The following MPP1 variants were observed in gnomAD, a reference collection of about 807,000 sequenced individuals.
The protein encoded by MPP1 is MAGUK p55 scaffold protein 1, also known as 55 kDa erythrocyte membrane protein.
MPP1 carries 6 observed loss-of-function variants against 38.2 expected under a neutral mutation model. That is an observed-to-expected ratio of 0.16 (90% CI 0.09 to 0.31). The LOEUF is 0.31. Among genes scored for constraint, MPP1 ranks in the 10% least tolerant of loss-of-function variants. The pLI is 1.00. For synonymous variants in MPP1, 153 were observed against 146.3 expected (o/e 1.05, Z -0.33); for missense variants, 293 against 368.9 (o/e 0.79, Z 1.69).
At chrX:154,801,613 G>A (rs1393946808) in intron 1 of MPP1, among the ~76,000 whole-genome samples, 1 of 108,674 alleles carries the variant, frequency 9.2e-6, no homozygotes, top group Non-Finnish European at 1.9e-5. Context: ...ACAAAAATTA[G>A]CCAGGCGTGT....
intron 6 of MPP1, 80 bp downstream of exon 6, chrX:154,786,124 C>G: frequency 1.0e-6 from 1 of 959,714 alleles, no homozygotes; most frequent in South Asian, 2.3e-5. Context: ...ACAGAAACTA[C>G]AAACAAAATG....
chrX:154,779,096 G>A lies in MPP1; in HGVS notation c.*81C>T. On this transcript the variant is annotated 3_prime_UTR_variant, in exon 12 of 12. Coordinates refer to ENST00000369534, the MANE Select transcript of MPP1 (RefSeq NM_002436.4). ...AGCTGACACAAAACTAGTTGGAGCA[G>A]CCCTGTTTGTCTTAAAGCAAGGCGG... The A allele has an allele frequency of 2.3e-5, 22 of 973,328 alleles. No individual in the cohort carries two copies. The highest frequency in any genetic ancestry group is 3.1e-5 in the Non-Finnish European group (22 of 704,728). 80.2% of individuals were successfully genotyped at this position (973,328 alleles called of 1,213,427 possible). A position where few individuals can be genotyped will look rare whatever the true frequency, so the allele number is the denominator to read the frequency against.
At chrX:154,799,589 A>G (rs1557268442) in intron 1 of MPP1, among the ~76,000 whole-genome samples, 1 of 112,722 alleles carries the variant, frequency 8.9e-6, no homozygotes. Flanking sequence ...CAACCTCCAC[A>G]TCATCCTCTC....
intron 5 of MPP1, among the ~76,000 whole-genome samples, chrX:154,787,517 C>T (rs1247163768): frequency 8.9e-6 from 1 of 112,057 alleles, no homozygotes; most frequent in East Asian, 2.8e-4. Flanking sequence ...ACATTCAAAA[C>T]CCATTCAAGA....
At position 154,784,061 on chromosome X, in the gene MPP1, G is replaced by A. The variant is rs1737267856; in HGVS notation, c.832C>T (p.Pro278Ser). Residue 278 changes from proline (P) to serine (S), a missense_variant, in exon 8 of 12, where the codon CCT (proline) becomes TCT (serine). Transcript: ENST00000369534. ...ACCAGGGTCTTCCTCTTGAATGCAG[G>A]GAGCCGAACGACTTCCTCGTAGGAA... ...VVSYEEVVRL[P>S]AFKRKTLVLI... is the part of the protein sequence containing the mutation. 1 of 1,210,182 alleles carries A rather than the reference G, an allele frequency of 8.3e-7. No individual in the cohort carries two copies. Among genetic ancestry groups the A allele is most frequent in the Non-Finnish European group, 1.1e-6 (1 of 894,764 alleles).
chrX:154,786,070 C>T, intron 6 of MPP1, 134 bp downstream of exon 6: 1 of 627,991 alleles, frequency 1.6e-6, no homozygotes, highest in Non-Finnish European at 2.4e-6. Context: ...AACCCTCCCC[C>T]ACCCATTATG....
intron 1 of MPP1, chrX:154,799,643 G>C: frequency 2.2e-6 from 2 of 927,506 alleles, no homozygotes; most frequent in Non-Finnish European, 2.9e-6. Context: ...AGGCCACAGA[G>C]CTATGGCAGG....
intron 6 of MPP1, among the ~76,000 whole-genome samples, chrX:154,785,787 T>C (rs1422541674): frequency 8.9e-6 from 1 of 112,105 alleles, no homozygotes; most frequent in Non-Finnish European, 1.9e-5. Flanking sequence ...AGGAATTATT[T>C]CTTCCATGTA....
At position 154,805,459 on chromosome X, in the gene MPP1, G is replaced by A; in HGVS notation, c.-86C>T. On this transcript the variant is annotated 5_prime_UTR_variant, in exon 1 of 12. Transcript: ENST00000369534. The stretch of plus-strand genomic sequence containing the variant: ...GGGCCTGCGGGGCTGCGGAGAAGGC[G>A]GGAGACGCGGTGCGGCTGGGCCAGT... 1 of 944,580 alleles carries A rather than the reference G, an allele frequency of 1.1e-6. No individual in the cohort carries two copies. The highest frequency in any genetic ancestry group is 1.5e-6 in the Non-Finnish European group (1 of 683,307). 77.8% of individuals were successfully genotyped at this position (944,580 alleles called of 1,213,427 possible). A position where few individuals can be genotyped will look rare whatever the true frequency, so the allele number is the denominator to read the frequency against.
chrX:154,787,940 A>G (rs1404530025), intron 5 of MPP1, among the ~76,000 whole-genome samples: 1 of 112,620 alleles, frequency 8.9e-6, no homozygotes, highest in Admixed American at 9.4e-5. Flanking sequence ...ACCTGTAAAT[A>G]TTACCATGAC....
intron 10 of MPP1, 88 bp downstream of exon 10, chrX:154,781,512 A>G: frequency 9.9e-7 from 1 of 1,012,444 alleles, no homozygotes; most frequent in Admixed American, 2.3e-5. Flanking sequence ...AGCAATCCTG[A>G]GCCCCCAGAA....
At position 154,789,989 on chromosome X, in the gene MPP1, T is replaced by A. The variant is rs782304312; in HGVS notation, c.445A>T (p.Ile149Phe). The A allele has an allele frequency of 9.2e-6, 11 of 1,199,358 alleles. No homozygotes were observed. ...GGAAGACGGCTTTGCTGGTTGGGAATTACTTTTAATGAGATCATTCCTTTG... is the reference window on the plus strand; with the variant it reads ...GGAAGACGGCTTTGCTGGTTGGGAAATACTTTTAATGAGATCATTCCTTTG... ...ETKGMISLKV[I>F]PNQQSRLPAL... Residue 149 changes from isoleucine (I) to phenylalanine (F), a missense_variant, in exon 5 of 12, where the codon ATT becomes TTT. Transcript: ENST00000369534.
chrX:154,783,469 G>A lies in MPP1; in HGVS notation c.904C>T (p.Leu302=). The A allele has an allele frequency of 8.3e-7, 1 of 1,210,655 alleles. No individual in the cohort carries two copies. Among genetic ancestry groups the A allele is most frequent in the South Asian group, 1.8e-5 (1 of 56,612 alleles). The stretch of plus-strand genomic sequence containing the variant: ...AACTTCTCCGGATTCTGGCTGAGCA[G>A]GGCATTCTTAATGTGGCTGCGACCC... ...GVGRSHIKNA[L]LSQNPEKFVY... The change falls in exon 9 of 12, where the codon CTG becomes TTG. Residue 302 remains leucine (L), a synonymous_variant. Transcript: ENST00000369534.
At position 154,797,417 on chromosome X, in the gene MPP1, C is replaced by G. The variant is rs186272211; in HGVS notation, c.103-5132G>C. Among the ~76,000 whole-genome samples the G allele has an allele frequency of 5.4e-5, 6 of 112,128 alleles. No homozygotes were observed. In the East Asian group the frequency reaches 1.7e-3, roughly 31 times the overall value. ...TAGGAAGACTCAGTCTGCACAGTTT[C>G]AAAACTTACTGTAGTATAGTCTCAG... On this transcript the variant is annotated intron_variant, in intron 1 of 11. Transcript: ENST00000369534.
At position 154,785,098 on chromosome X, in the gene MPP1, C is replaced by A; in HGVS notation, c.737G>T (p.Gly246Val). The change falls in exon 7 of 12, where the codon GGG (glycine) becomes GTG (valine). Residue 246 changes from glycine to valine, a missense_variant. Coordinates refer to ENST00000369534, the MANE Select transcript of MPP1 (RefSeq NM_002436.4). ...PSEAPSCSPF[G>V]KKKKYKDKYL... ...TTTGTCTTTGTACTTCTTCTTCTTC[C>A]CAAAGGGACTGCAGCTCGGGGCTTC... 8.3e-7 allele frequency: 1 copy of A among 1,211,065 alleles called. No homozygotes were observed. The highest frequency in any genetic ancestry group is 3.0e-5 in the East Asian group (1 of 33,832).
rs1287873003 is a variant in MPP1, at chrX:154,786,054, A to G, written c.677+150T>C. On this transcript the variant is annotated intron_variant, in intron 6 of 11. Coordinates refer to ENST00000369534, the MANE Select transcript of MPP1 (RefSeq NM_002436.4). ...GCCTCTCAGTCCAGCTTATCAACGCATGGTTAACCCTCCCCCACCCATTAT... is the reference window on the plus strand; with the variant it reads ...GCCTCTCAGTCCAGCTTATCAACGCGTGGTTAACCCTCCCCCACCCATTAT... 1.1e-5 allele frequency: 6 copies of G among 551,650 alleles called. No homozygotes were observed. In the East Asian group the frequency reaches 1.9e-4, roughly 17 times the overall value. The allele number at this position is 551,650 out of a possible 1,213,427, so 45.5% of individuals were successfully genotyped here.
At chrX:154,787,147 C>CACA (rs2072088950) in intron 5 of MPP1, among the ~76,000 whole-genome samples, 1 of 99,305 alleles carries the variant, frequency 1.0e-5, no homozygotes, top group Admixed American at 1.1e-4. Flanking sequence ...CACACACACA[C>CACA]CTACCTCATT....
chrX:154,782,013 AG>A (rs2072013603), intron 9 of MPP1: 1 of 356,215 alleles, frequency 2.8e-6, no homozygotes, highest in Non-Finnish European at 4.9e-6. Flanking sequence ...TTAATTTTTA[AG>A]GGGCAAAGCC....
At chrX:154,789,299 G>A (rs782156506) in intron 5 of MPP1, among the ~76,000 whole-genome samples, 1 of 111,804 alleles carries the variant, frequency 8.9e-6, no homozygotes, top group Non-Finnish European at 1.9e-5. Context: ...TGGCTGATGA[G>A]CTATGTGTGA....
Sources: allele counts gnomAD v4.1 joint callset (sites outside exome capture counted in the v4.1 genomes callset), GRCh38; gene constraint gnomAD v4.1.1; transcripts MANE v1.5; gene names NCBI Gene and HGNC (gene_info 2026-07-23, HGNC 2026-07-21).